Variants in MESP1 observed in about 807,000 individuals in gnomAD.
MESP1 encodes the protein mesoderm posterior protein 1.
A neutral mutation model predicts 15.2 loss-of-function variants in MESP1; 22 were observed. The observed-to-expected ratio is 1.45, with a 90% CI of 1.04 to 2.07. The LOEUF (loss-of-function observed/expected upper bound fraction) is 2.07, where lower values mean the gene tolerates loss of function less well. Among genes scored for constraint, MESP1 ranks in the 30% most tolerant of loss-of-function variants. MESP1 has a pLI of 0.00. For synonymous variants in MESP1, 216 were observed against 192.6 expected (o/e 1.12, Z -1.01); for missense variants, 484 against 411.9 (o/e 1.17, Z -1.51).
downstream of MESP1, among the ~76,000 whole-genome samples, chr15:89,746,821 AAACACACAGCCCCGCCTC>A (rs1967970872): frequency 7.5e-6 from 1 of 134,098 alleles, no homozygotes; most frequent in Non-Finnish European, 1.6e-5. Context: ...CCACCTCCAC[AAACACACAGCCCCGCCTC>A]CACACACACA....
chr15:89,750,486 G>C, intron 1 of MESP1, 23 bp downstream of exon 1: 8 of 1,489,528 alleles, frequency 5.4e-6, no homozygotes, highest in East Asian at 2.3e-5. Flanking sequence ...GGACGAAGGG[G>C]GCGCGGGGAA....
the MESP1 span, among the ~76,000 whole-genome samples, chr15:89,744,830 C>A: frequency 6.6e-6 from 1 of 152,198 alleles, no homozygotes; most frequent in Admixed American, 6.5e-5. Flanking sequence ...TTCTAATTCC[C>A]CCTTCAGGCA....
chr15:89,747,744 C>G (rs910066513), downstream of MESP1, among the ~76,000 whole-genome samples: 10 of 152,248 alleles, frequency 6.6e-5, no homozygotes, highest in Non-Finnish European at 1.3e-4. Flanking sequence ...CATCTGCAGC[C>G]TTTTTCTTAA....
chr15:89,748,468 G>A (rs1028723246), downstream of MESP1, among the ~76,000 whole-genome samples: 3 of 152,248 alleles, frequency 2.0e-5, no homozygotes, highest in African/African-American at 7.2e-5. Flanking sequence ...CCGGAGTACT[G>A]GAAGTGATCT....
downstream of MESP1, among the ~76,000 whole-genome samples, chr15:89,748,436 T>C (rs1968015891): frequency 6.6e-6 from 1 of 152,170 alleles, no homozygotes; most frequent in African/African-American, 2.4e-5. Flanking sequence ...CCACTCTGCA[T>C]TACCGCCCCT....
the MESP1 span, among the ~76,000 whole-genome samples, chr15:89,736,877 T>C: frequency 1.5e-3 from 233 of 151,490 alleles, 3 homozygotes; most frequent in South Asian, 0.012. Flanking sequence ...CTGCAAGCTC[T>C]GCCTCCCGGG....
the MESP1 span, among the ~76,000 whole-genome samples, chr15:89,733,909 A>G: frequency 2.6e-5 from 4 of 152,254 alleles, no homozygotes; most frequent in South Asian, 6.2e-4. Flanking sequence ...TTTCTCCCAC[A>G]GTAAACTTCC....
Position 89,750,082 on chromosome 15 carries a change from C to T in MESP1, c.*62G>A, listed in dbSNP as rs1011845454. Reference sequence around the variant, plus strand: ...GGAAAGGCAGTCTGCCAAGGAACCACTTCGAAGGTGCTGAGGCCAAAAAGC... The same window carrying T: ...GGAAAGGCAGTCTGCCAAGGAACCATTTCGAAGGTGCTGAGGCCAAAAAGC... On this transcript the variant is annotated 3_prime_UTR_variant, in exon 2 of 2. Transcript: ENST00000300057. 4.7e-6 allele frequency: 7 copies of T among 1,494,810 alleles called. No homozygotes were observed. Among genetic ancestry groups the T allele is most frequent in the South Asian group, 1.1e-5 (1 of 88,714 alleles). 92.6% of individuals were successfully genotyped at this position (1,494,810 alleles called of 1,614,324 possible).
At chr15:89,745,146 C>T (rs184548740), downstream of MESP1, among the ~76,000 whole-genome samples, 221 of 152,324 alleles carry the variant, frequency 1.5e-3, 1 homozygote, top group African/African-American at 5.1e-3. This position sits in a 1 kb window ranked among gnomAD's most constrained non-coding sequence, Gnocchi z 4.8. Flanking sequence ...CCAGCAGAGG[C>T]AGCAGGGAGC....
chr15:89,741,957 TGGC>T, the MESP1 span, among the ~76,000 whole-genome samples: 1 of 152,224 alleles, frequency 6.6e-6, no homozygotes, highest in Non-Finnish European at 1.5e-5. Context: ...TTCACCATGT[TGGC>T]CAGGATGGTA....
chr15:89,743,124 C>T, the MESP1 span, among the ~76,000 whole-genome samples: 1 of 152,236 alleles, frequency 6.6e-6, no homozygotes, highest in African/African-American at 2.4e-5. Context: ...GAAAGGCCTT[C>T]TGAGCACCTG....
the MESP1 span, chr15:89,743,451 A>G: frequency 6.6e-7 from 1 of 1,516,538 alleles, no homozygotes. Context: ...AGCTGCTCCC[A>G]GGACACTGAG....
At chr15:89,744,492 C>T in the MESP1 span, among the ~76,000 whole-genome samples, 38 of 152,338 alleles carry the variant, frequency 2.5e-4, no homozygotes, top group African/African-American at 8.7e-4. Flanking sequence ...GCTTACACAC[C>T]ACCTAAGGTG....
chr15:89,747,474 C>T (rs566053042), downstream of MESP1, among the ~76,000 whole-genome samples: 11 of 152,318 alleles, frequency 7.2e-5, no homozygotes, highest in East Asian at 5.8e-4. Context: ...TGGGGACCAG[C>T]GGGCAGCTAG....
chr15:89,735,545 C>T, the MESP1 span: 3 of 1,614,154 alleles, frequency 1.9e-6, no homozygotes, highest in Non-Finnish European at 2.5e-6. Context: ...CCCAGCCTTA[C>T]CTGGCATGGT....
chr15:89,737,799 A>G, the MESP1 span: 3 of 1,591,046 alleles, frequency 1.9e-6, no homozygotes, highest in Non-Finnish European at 1.7e-6. Flanking sequence ...AAACAGAGAG[A>G]GCCCCTCCGA....
the MESP1 span, among the ~76,000 whole-genome samples, chr15:89,742,406 C>A: frequency 6.6e-6 from 1 of 152,020 alleles, no homozygotes; most frequent in African/African-American, 2.4e-5. Context: ...TACCACAACC[C>A]CACTGACAGC....
chr15:89,735,508 T>C, the MESP1 span: 1 of 1,614,054 alleles, frequency 6.2e-7, no homozygotes, highest in Non-Finnish European at 8.5e-7. Flanking sequence ...AGCACCTGGA[T>C]AAAACCATCT....
At chr15:89,738,675 C>T in the MESP1 span, among the ~76,000 whole-genome samples, 11 of 151,692 alleles carry the variant, frequency 7.3e-5, no homozygotes, top group Non-Finnish European at 1.3e-4. Flanking sequence ...GGGTTCTACC[C>T]CATGATAGCC....
Sources: gnomAD v4.1 joint callset for allele counts (sites outside exome capture counted in the v4.1 genomes callset) on GRCh38, gnomAD v4.1.1 for gene constraint, Gnocchi (gnomAD v3.1) non-coding constraint, MANE v1.5 for transcripts, NCBI Gene and HGNC (gene_info 2026-07-23, HGNC 2026-07-21) for gene names.